CACNA2D1: variants seen among roughly 807,000 people sequenced by gnomAD.
The protein encoded by CACNA2D1 is voltage-dependent calcium channel subunit alpha-2/delta-1.
Under a neutral mutation model 171.5 loss-of-function variants are expected in CACNA2D1, and 53 were observed. That is an observed-to-expected ratio of 0.31 (90% CI 0.25 to 0.39). The LOEUF is 0.39. CACNA2D1 is among the 10% of genes least tolerant of loss of function. CACNA2D1 has a pLI of 1.00. For missense variants in CACNA2D1, 903 were observed against 1,299.8 expected (o/e 0.69, Z 4.69); for synonymous variants, 442 against 443.1 (o/e 1.00, Z 0.03).
intron 3 of CACNA2D1, among the ~76,000 whole-genome samples, chr7:82,322,125 C>CAAAAAAAAAAAA (rs71093373): frequency 2.3e-5 from 1 of 43,636 alleles, no homozygotes; most frequent in Admixed American, 4.4e-4. Context: ...GACTCCGTCT[C>CAAAAAAAAAAAA]AAAAAAAAAA....
intron 3 of CACNA2D1, among the ~76,000 whole-genome samples, chr7:82,221,343 T>C (rs1321738954): frequency 2.0e-5 from 3 of 152,110 alleles, no homozygotes; most frequent in Non-Finnish European, 4.4e-5. Flanking sequence ...TATACACATA[T>C]CAAAAAAATA....
chr7:82,059,122 A>G (rs555204439), intron 10 of CACNA2D1, among the ~76,000 whole-genome samples: 24 of 152,218 alleles, frequency 1.6e-4, no homozygotes, highest in Middle Eastern at 3.4e-3. Flanking sequence ...CTTCCTCCCA[A>G]GTCATTTCAG....
chr7:82,091,551 T>C (rs1267875037), intron 6 of CACNA2D1, among the ~76,000 whole-genome samples: 2 of 152,128 alleles, frequency 1.3e-5, no homozygotes, highest in Admixed American at 6.5e-5. Context: ...CACTTTATTA[T>C]TAAAGAAAAC....
At chr7:81,987,631 C>T (rs1477617570) in intron 21 of CACNA2D1, among the ~76,000 whole-genome samples, 3 of 152,050 alleles carry the variant, frequency 2.0e-5, no homozygotes. Flanking sequence ...ATGTTTTTTC[C>T]TTCAACTTAG....
intron 3 of CACNA2D1, among the ~76,000 whole-genome samples, chr7:82,207,809 G>C (rs1800163759): frequency 6.6e-6 from 1 of 152,128 alleles, no homozygotes; most frequent in South Asian, 2.1e-4. Flanking sequence ...TAATTCTATA[G>C]ATTTAGGAAA....
At chr7:82,142,531 A>T (rs1204357687) in intron 4 of CACNA2D1, among the ~76,000 whole-genome samples, 1 of 152,222 alleles carries the variant, frequency 6.6e-6, no homozygotes, top group Non-Finnish European at 1.5e-5. Flanking sequence ...TGTTGCCAGG[A>T]ATAAGGCTTA....
chr7:82,156,294 C>T (rs1584946123), intron 4 of CACNA2D1, among the ~76,000 whole-genome samples: 1 of 152,200 alleles, frequency 6.6e-6, no homozygotes, highest in South Asian at 2.1e-4. Context: ...GTTGACTTCT[C>T]TTTACTCTAG....
In CACNA2D1 at chr7:82,434,090, C is replaced by A. The variant is rs761906811; in HGVS notation, c.95+9275G>T. ...CCATGAGCACTGGAGGCAGATAATG[C>A]CAATTTATAGAGAAAGAGAAGAAAG... is the stretch of plus-strand genomic sequence containing the variant. On this transcript the variant is annotated intron_variant, in intron 1 of 38. Coordinates refer to ENST00000356860, the MANE Select transcript of CACNA2D1 (RefSeq NM_000722.4). 5.5e-4 allele frequency among the ~76,000 whole-genome samples: 83 copies of A among 152,054 alleles called. 1 individual carries two copies. Among genetic ancestry groups the A allele is most frequent in the Non-Finnish European group, 1.1e-3 (76 of 68,014 alleles).
intron 6 of CACNA2D1, among the ~76,000 whole-genome samples, chr7:82,105,398 C>G (rs77904432): frequency 4.0e-5 from 4 of 99,472 alleles, no homozygotes; most frequent in African/African-American, 1.5e-4. Flanking sequence ...CAGTTTTTGT[C>G]TTTTTTTTTT....
At chr7:82,029,848 T>A (rs1802445963) in intron 12 of CACNA2D1, 1 of 151,870 alleles carries the variant, frequency 6.6e-6, no homozygotes, top group African/African-American at 2.4e-5. Context: ...AAGAATATTT[T>A]AATTTTTATG....
chr7:82,073,880 C>T (rs1306814841), intron 7 of CACNA2D1, among the ~76,000 whole-genome samples: 11 of 152,064 alleles, frequency 7.2e-5, no homozygotes, highest in Non-Finnish European at 1.5e-4. Flanking sequence ...TGATTACAGG[C>T]GTCAGCCCTC....
rs76643712 is a variant in CACNA2D1, at chr7:82,149,444, C to T, written c.355-12768G>A. On this transcript the variant is annotated intron_variant, in intron 4 of 38. Coordinates refer to ENST00000356860, the MANE Select transcript of CACNA2D1 (RefSeq NM_000722.4). ...GCTGTGGTCAAGAGCAGGTAGACAACTGGGGCTGTTTCCCTAGGAACCCTG... is the reference window on the plus strand; with the variant it reads ...GCTGTGGTCAAGAGCAGGTAGACAATTGGGGCTGTTTCCCTAGGAACCCTG... Among the ~76,000 whole-genome samples the T allele has an allele frequency of 1.2e-4, 19 of 152,160 alleles. No individual in the cohort carries two copies. In the East Asian group the frequency reaches 3.5e-3, roughly 28 times the overall value.
At chr7:82,283,670 AT>A (rs5885281) in intron 3 of CACNA2D1, among the ~76,000 whole-genome samples, 1 of 151,774 alleles carries the variant, frequency 6.6e-6, no homozygotes, top group Admixed American at 6.6e-5. Flanking sequence ...AAGAATCTCT[AT>A]TTTTTTTAGT....
At chr7:82,287,997 A>ATT (rs5885283) in intron 3 of CACNA2D1, among the ~76,000 whole-genome samples, 107 of 138,904 alleles carry the variant, frequency 7.7e-4, no homozygotes, top group South Asian at 7.6e-3. Context: ...TGCCCGGCTA[A>ATT]TTTTTTTTTT....
intron 3 of CACNA2D1, among the ~76,000 whole-genome samples, chr7:82,280,541 C>CT (rs1308895737): frequency 1.3e-5 from 2 of 152,174 alleles, no homozygotes; most frequent in Non-Finnish European, 2.9e-5. Context: ...AGCTAATGAT[C>CT]TTCACCATTA....
chr7:82,099,120 T>A (rs1225869225), intron 6 of CACNA2D1, among the ~76,000 whole-genome samples: 2 of 152,146 alleles, frequency 1.3e-5, no homozygotes, highest in African/African-American at 4.8e-5. Context: ...TCTTGTCAGT[T>A]TGCATTCTGT....
At chr7:82,291,487 T>C (rs1370133926) in intron 3 of CACNA2D1, among the ~76,000 whole-genome samples, 1 of 134,346 alleles carries the variant, frequency 7.4e-6, no homozygotes, top group African/African-American at 2.7e-5. Flanking sequence ...AAATATATTA[T>C]ATATATTTTT....
intron 3 of CACNA2D1, among the ~76,000 whole-genome samples, chr7:82,245,145 A>G (rs1281176812): frequency 6.6e-6 from 1 of 152,206 alleles, no homozygotes; most frequent in African/African-American, 2.4e-5. Flanking sequence ...CCATATATGG[A>G]GCAGCACTGA....
intron 3 of CACNA2D1, among the ~76,000 whole-genome samples, chr7:82,180,641 GA>G (rs1797025111): frequency 2.6e-5 from 4 of 152,196 alleles, no homozygotes. Context: ...GAGCCCTGAT[GA>G]GGCGCTGGGT....
Sources: allele counts gnomAD v4.1 joint callset (sites outside exome capture counted in the v4.1 genomes callset), GRCh38; gene constraint gnomAD v4.1.1; transcripts MANE v1.5; gene names NCBI Gene and HGNC (gene_info 2026-07-23, HGNC 2026-07-21).